The following KCNT2 variants were observed in gnomAD, a reference collection of about 807,000 sequenced individuals.
KCNT2 encodes potassium sodium-activated channel subfamily T member 2.
In KCNT2, 67 loss-of-function variants were observed where a neutral mutation model predicts 153.8. The observed-to-expected ratio is 0.44, with a 90% confidence interval of 0.36 to 0.53. KCNT2 has a LOEUF of 0.53. Ranked by LOEUF, KCNT2 falls within the 20% of genes least tolerant of loss-of-function variation. The pLI, the probability that KCNT2 is intolerant of heterozygous loss-of-function variation, is 0.00. For missense variants in KCNT2, 975 were observed against 1,354.8 expected (o/e 0.72, Z 4.40); for synonymous variants, 500 against 458.8 (o/e 1.09, Z -1.15).
At chr1:196,455,462 G>A (rs915025834) in intron 8 of KCNT2, among the ~76,000 whole-genome samples, 4 of 151,808 alleles carry the variant, frequency 2.6e-5, no homozygotes, top group African/African-American at 9.7e-5. Context: ...TGAGATGGTG[G>A]TTTTTTTCTA....
At chr1:196,286,023 A>G (rs981720095) in intron 22 of KCNT2, among the ~76,000 whole-genome samples, 4 of 152,172 alleles carry the variant, frequency 2.6e-5, no homozygotes, top group Admixed American at 1.3e-4. Flanking sequence ...ACAAGAAGAG[A>G]CATCATAATG....
In KCNT2 at chr1:196,399,237, C is replaced by A. The variant is rs373776825; in HGVS notation, c.1186-566G>T. 5.3e-5 allele frequency among the ~76,000 whole-genome samples: 8 copies of A among 151,436 alleles called. 1 individual carries two copies. Among genetic ancestry groups the A allele is most frequent in the Admixed American group, 2.6e-4 (4 of 15,124 alleles). ...GAAAAGGAATCAAAACCATGCTTAA[C>A]ACGAACTCCTTTACATAGTAGTCAC... is the stretch of plus-strand genomic sequence containing the variant. On this transcript the variant is annotated intron_variant, in intron 12 of 27. Coordinates refer to ENST00000294725, the MANE Select transcript of KCNT2 (RefSeq NM_198503.5).
At chr1:196,542,202 G>C (rs1287641804) in intron 1 of KCNT2, among the ~76,000 whole-genome samples, 1 of 152,096 alleles carries the variant, frequency 6.6e-6, no homozygotes, top group Non-Finnish European at 1.5e-5. Flanking sequence ...AGTCTAGTAA[G>C]AGAATATAGT....
chr1:196,466,998 C>T (rs1347421363), intron 7 of KCNT2, among the ~76,000 whole-genome samples: 1 of 151,970 alleles, frequency 6.6e-6, no homozygotes, highest in Non-Finnish European at 1.5e-5. Context: ...CTCACAACCC[C>T]GCTCAAGCAA....
intron 12 of KCNT2, among the ~76,000 whole-genome samples, chr1:196,416,348 A>T (rs1037444697): frequency 1.5e-4 from 23 of 152,208 alleles, no homozygotes; most frequent in African/African-American, 5.5e-4. Flanking sequence ...ATCTTAGCTG[A>T]GGTTGCCAAG....
chr1:196,495,979 A>G (rs1012121948), intron 1 of KCNT2, among the ~76,000 whole-genome samples: 3 of 152,076 alleles, frequency 2.0e-5, no homozygotes, highest in African/African-American at 7.2e-5. Context: ...GTTGCCTTTT[A>G]AATTGTTTTA....
chr1:196,284,057 C>T lies in KCNT2; in HGVS notation c.2697+1600G>A, dbSNP rs529102644. On this transcript the variant is annotated intron_variant, in intron 23 of 27. Transcript: ENST00000294725. ...ACCAGCCTGACCAACATGGTGAAAC[C>T]TCGTCTGTATTAAAAATACAAAAAT... Among the ~76,000 whole-genome samples the T allele has an allele frequency of 1.1e-4, 17 of 149,486 alleles. No homozygotes were observed. In the South Asian group the frequency reaches 3.4e-3, roughly 30 times the overall value.
rs145019345 is a variant in KCNT2 at position 196,294,413 on chromosome 1, T to G, written c.2596-8655A>C. Among the ~76,000 whole-genome samples, 21 of 152,088 alleles carry G rather than the reference T, an allele frequency of 1.4e-4. No individual in the cohort carries two copies. In the East Asian group the frequency reaches 4.1e-3, roughly 29 times the overall value. ...GTCTCAGCCTCCCGAGTAGTTGGGA[T>G]TACAGACACGCGCCACCATACCCAG... is the stretch of plus-strand genomic sequence containing the variant. On this transcript the variant is annotated intron_variant, in intron 22 of 27. Transcript: ENST00000294725.
intron 1 of KCNT2, among the ~76,000 whole-genome samples, chr1:196,578,035 C>T (rs1183044701): frequency 6.6e-6 from 1 of 151,982 alleles, no homozygotes; most frequent in Non-Finnish European, 1.5e-5. Flanking sequence ...ATCTGCACTG[C>T]TTTTAGCACA....
At chr1:196,335,361 C>A (rs554134575) in intron 16 of KCNT2, among the ~76,000 whole-genome samples, 2 of 152,038 alleles carry the variant, frequency 1.3e-5, no homozygotes, top group Non-Finnish European at 2.9e-5. Flanking sequence ...GGTACATAGG[C>A]TATATGGTAT....
intron 1 of KCNT2, among the ~76,000 whole-genome samples, chr1:196,561,675 A>AAAAAAG (rs1553254846): frequency 2.7e-5 from 1 of 36,472 alleles, no homozygotes; most frequent in African/African-American, 4.2e-5. Context: ...AAAAAAAAAA[A>AAAAAAG]AAGAAGAAGA....
chr1:196,482,107 C>A (rs957780873), intron 4 of KCNT2, among the ~76,000 whole-genome samples: 1 of 152,068 alleles, frequency 6.6e-6, no homozygotes, highest in African/African-American at 2.4e-5. Context: ...CTCTCACAAC[C>A]TCTTTAAAAT....
intron 16 of KCNT2, among the ~76,000 whole-genome samples, chr1:196,334,849 A>G (rs1000099637): frequency 6.6e-6 from 1 of 151,968 alleles, no homozygotes; most frequent in Non-Finnish European, 1.5e-5. Context: ...TTTTTATTTG[A>G]TAGGAGAGAA....
At chr1:196,536,254 G>T (rs1350328857) in intron 1 of KCNT2, among the ~76,000 whole-genome samples, 1 of 152,230 alleles carries the variant, frequency 6.6e-6, no homozygotes. Context: ...CATATGTCTT[G>T]CCATATGGCC....
chr1:196,240,968 G>C (rs1180131555), intron 26 of KCNT2, among the ~76,000 whole-genome samples: 1 of 151,820 alleles, frequency 6.6e-6, no homozygotes, highest in East Asian at 1.9e-4. Context: ...TTGGTAGCAA[G>C]AGAACAATAG....
At chr1:196,581,074 G>A (rs534153056) in intron 1 of KCNT2, among the ~76,000 whole-genome samples, 6 of 151,832 alleles carry the variant, frequency 4.0e-5, no homozygotes, top group Admixed American at 1.3e-4. Flanking sequence ...TTTACAAAAC[G>A]TACAGTTTTT....
chr1:196,361,052 TCAG>T (rs1667575204), intron 14 of KCNT2, among the ~76,000 whole-genome samples: 1 of 152,062 alleles, frequency 6.6e-6, no homozygotes, highest in South Asian at 2.1e-4. Context: ...GGAAATCCAC[TCAG>T]CAGAAAGTTC....
At chr1:196,490,394 A>T (rs554725390) in intron 2 of KCNT2, among the ~76,000 whole-genome samples, 1 of 149,780 alleles carries the variant, frequency 6.7e-6, no homozygotes, top group African/African-American at 2.4e-5. Context: ...AATTAATTAT[A>T]TTTGTATAGT....
chr1:196,299,205 T>G (rs1660953045), intron 22 of KCNT2, among the ~76,000 whole-genome samples: 1 of 152,116 alleles, frequency 6.6e-6, no homozygotes, highest in African/African-American at 2.4e-5. Flanking sequence ...TTTTCCTCCT[T>G]GCCTTCTCCA....
Sources: gnomAD v4.1 joint callset for allele counts (sites outside exome capture counted in the v4.1 genomes callset) on GRCh38, gnomAD v4.1.1 for gene constraint, MANE v1.5 for transcripts, NCBI Gene and HGNC (gene_info 2026-07-23, HGNC 2026-07-21) for gene names.